The following PRKG1 variants were observed in gnomAD, a reference collection of about 807,000 sequenced individuals.
PRKG1 encodes protein kinase cGMP-dependent 1, also known as cGMP-dependent protein kinase 1.
A neutral mutation model predicts 88.1 loss-of-function variants in PRKG1; 35 were observed. The observed-to-expected ratio is 0.40, with a 90% CI of 0.30 to 0.53. PRKG1 has a LOEUF of 0.53. Ranked by LOEUF, PRKG1 falls within the 20% of genes least tolerant of loss-of-function variation. The pLI is 0.59. For synonymous variants in PRKG1, 303 were observed against 292.5 expected (o/e 1.04, Z -0.37); for missense variants, 540 against 839.8 (o/e 0.64, Z 4.41).
At chr10:51,540,405 A>G (rs958226777) in intron 3 of PRKG1, among the ~76,000 whole-genome samples, 3 of 152,202 alleles carry the variant, frequency 2.0e-5, no homozygotes, top group African/African-American at 7.2e-5. Flanking sequence ...AGTAAGAATA[A>G]TTCTATCTGG....
intron 8 of PRKG1, among the ~76,000 whole-genome samples, chr10:52,152,422 T>TA (rs1837954134): frequency 6.6e-6 from 1 of 152,114 alleles, no homozygotes; most frequent in Admixed American, 6.6e-5. Context: ...GAAAATGAGT[T>TA]AAAATCACAG....
intron 1 of PRKG1, among the ~76,000 whole-genome samples, chr10:51,042,742 C>T (rs1023170974): frequency 6.6e-6 from 1 of 152,144 alleles, no homozygotes; most frequent in East Asian, 1.9e-4. Context: ...TAAGGGTCCT[C>T]TAGACTGGAT....
chr10:52,244,858 A>T, intron 9 of PRKG1, among the ~76,000 whole-genome samples: 1 of 120,694 alleles, frequency 8.3e-6, no homozygotes, highest in South Asian at 3.1e-4. Context: ...ATATTTTTAT[A>T]TATTTAAATA....
chr10:51,409,870 A>AG (rs71029367), intron 2 of PRKG1, among the ~76,000 whole-genome samples: 1 of 149,680 alleles, frequency 6.7e-6, no homozygotes, highest in Non-Finnish European at 1.5e-5. Context: ...AAAAAAAAAA[A>AG]GGAGAGTAGT....
At chr10:51,604,735 G>T (rs921863778) in intron 3 of PRKG1, among the ~76,000 whole-genome samples, 5 of 152,174 alleles carry the variant, frequency 3.3e-5, no homozygotes, top group Non-Finnish European at 7.4e-5. Flanking sequence ...GGGGGAGCAT[G>T]CAGACAGGCA....
intron 9 of PRKG1, among the ~76,000 whole-genome samples, chr10:52,166,475 C>T (rs1019975459): frequency 7.0e-6 from 1 of 143,446 alleles, no homozygotes; most frequent in African/African-American, 2.6e-5. Context: ...GCTCTGTCGC[C>T]CAGGCTGGAG....
rs575131585 is a variant in PRKG1 at position 52,229,799 on chromosome 10, C to G, written c.1077-21771C>G. ...CTTTACTTTAGTCTATGTGATGACT[C>G]GTAAATTCCATATTTACTGAGAGGA... On this transcript the variant is annotated intron_variant, in intron 9 of 17. Transcript: ENST00000373980. Among the ~76,000 whole-genome samples, 3 of 152,144 alleles carry G rather than the reference C, an allele frequency of 2.0e-5. No homozygotes were observed. In the South Asian group the frequency reaches 6.2e-4, roughly 32 times the overall value.
intron 1 of PRKG1, among the ~76,000 whole-genome samples, chr10:51,021,272 C>T (rs185356990): frequency 6.6e-6 from 1 of 152,300 alleles, no homozygotes; most frequent in East Asian, 1.9e-4. Context: ...CAGGGTTAGA[C>T]AGAGCTCCTA....
At chr10:51,662,453 A>G (rs1248156583) in intron 3 of PRKG1, among the ~76,000 whole-genome samples, 2 of 152,124 alleles carry the variant, frequency 1.3e-5, no homozygotes, top group African/African-American at 4.8e-5. Flanking sequence ...CACACACAAA[A>G]TTATGTGCTA....
At chr10:51,860,200 G>C (rs1008201303) in intron 4 of PRKG1, among the ~76,000 whole-genome samples, 1 of 152,130 alleles carries the variant, frequency 6.6e-6, no homozygotes, top group African/African-American at 2.4e-5. Context: ...TTTCAGTCAA[G>C]AAAGGTAAGT....
chr10:51,146,412 A>G (rs1309812414), intron 1 of PRKG1, among the ~76,000 whole-genome samples: 1 of 142,404 alleles, frequency 7.0e-6, no homozygotes, highest in Non-Finnish European at 1.5e-5. Flanking sequence ...TCACATGCCC[A>G]TGTTTTAATC....
intron 5 of PRKG1, among the ~76,000 whole-genome samples, chr10:51,992,361 AAC>A (rs1844333967): frequency 6.6e-6 from 1 of 152,066 alleles, no homozygotes; most frequent in African/African-American, 2.4e-5. Context: ...CTGTTTCTTT[AAC>A]AGTTTTCATT....
At chr10:52,225,714 A>G (rs1229823619) in intron 9 of PRKG1, among the ~76,000 whole-genome samples, 1 of 152,102 alleles carries the variant, frequency 6.6e-6, no homozygotes, top group Non-Finnish European at 1.5e-5. Context: ...TGGCTAGCCA[A>G]TCATCCCAGC....
intron 9 of PRKG1, among the ~76,000 whole-genome samples, chr10:52,172,098 G>A (rs964496523): frequency 1.7e-4 from 26 of 152,196 alleles, no homozygotes; most frequent in African/African-American, 4.3e-4. Flanking sequence ...CACCGCGCCC[G>A]GCCTATCAAA....
intron 5 of PRKG1, among the ~76,000 whole-genome samples, chr10:52,010,003 T>C (rs1844840837): frequency 6.6e-6 from 1 of 152,054 alleles, no homozygotes; most frequent in Non-Finnish European, 1.5e-5. Flanking sequence ...CTAGCTTCCA[T>C]CTTATATCAA....
chr10:51,315,624 G>A (rs533609001), intron 2 of PRKG1, among the ~76,000 whole-genome samples: 13 of 152,150 alleles, frequency 8.5e-5, no homozygotes, highest in South Asian at 4.1e-4. Context: ...AAAATACAGC[G>A]TGGATTATCT....
In PRKG1 at chr10:51,374,101, T is replaced by A. The variant is rs1034828984; in HGVS notation, c.479-93622T>A. Among the ~76,000 whole-genome samples, 96 of 134,330 alleles carry A rather than the reference T, an allele frequency of 7.1e-4. 2 individuals carry two copies. Among genetic ancestry groups the A allele is most frequent in the African/African-American group, 2.6e-3 (96 of 36,646 alleles). 88.1% of individuals were successfully genotyped at this position (134,330 alleles called of 152,430 possible). A position where few individuals can be genotyped will look rare whatever the true frequency, so the allele number is the denominator to read the frequency against. ...AGGTTGCAAAAAAAAAAAATATATATATATATATATATGTACTTTAAGTTC... is the reference window on the plus strand; with the variant it reads ...AGGTTGCAAAAAAAAAAAATATATAAATATATATATATGTACTTTAAGTTC... On this transcript the variant is annotated intron_variant, in intron 2 of 17. Transcript: ENST00000373980.
At chr10:52,155,732 G>GCCACACAC (rs3220860) in intron 8 of PRKG1, among the ~76,000 whole-genome samples, 173 of 147,886 alleles carry the variant, frequency 1.2e-3, no homozygotes, top group Middle Eastern at 0.01. Context: ...ATTGCCATTG[G>GCCACACAC]ACACACACAC....
chr10:51,291,749 T>C lies in PRKG1; in HGVS notation c.478+138419T>C, dbSNP rs538725921. On this transcript the variant is annotated intron_variant, in intron 2 of 17. Transcript: ENST00000373980. Reference sequence around the variant, plus strand: ...TTAGAGTGTTTATGAAAATACAGCTTCTTAGTAGCTCATAACATTAGTACC... The same window carrying C: ...TTAGAGTGTTTATGAAAATACAGCTCCTTAGTAGCTCATAACATTAGTACC... Among the ~76,000 whole-genome samples, 20 of 152,318 alleles carry C rather than the reference T, an allele frequency of 1.3e-4. No individual in the cohort carries two copies. In the South Asian group the frequency reaches 3.7e-3, roughly 28 times the overall value.
Sources: gnomAD v4.1 joint callset for allele counts (sites outside exome capture counted in the v4.1 genomes callset) on GRCh38, gnomAD v4.1.1 for gene constraint, MANE v1.5 for transcripts, NCBI Gene and HGNC (gene_info 2026-07-23, HGNC 2026-07-21) for gene names.